The following MYH14 variants were observed in gnomAD, a reference collection of about 807,000 sequenced individuals.
MYH14 encodes myosin heavy chain 14.
MYH14 carries 123 observed loss-of-function variants against 255.5 expected under a neutral mutation model. The observed-to-expected ratio is 0.48, with a 90% CI of 0.42 to 0.56. The LOEUF is 0.56. Ranked by LOEUF, MYH14 falls within the 20% of genes least tolerant of loss-of-function variation. The pLI is 0.00. For missense variants in MYH14, 2,423 were observed against 2,802.3 expected, an observed-to-expected ratio of 0.86 and a Z score of 3.06; for synonymous variants, 1,095 against 1,161.2, an observed-to-expected ratio of 0.94 and a Z score of 1.16.
intron 10 of MYH14, among the ~76,000 whole-genome samples, chr19:50,239,012 A>C (rs974784472): frequency 6.6e-6 from 1 of 152,080 alleles, no homozygotes; most frequent in African/African-American, 2.4e-5. Flanking sequence ...CCTCCAAAAA[A>C]AAACAAAAAA....
At chr19:50,274,514 C>CA (rs1455357302) in intron 27 of MYH14, among the ~76,000 whole-genome samples, 1 of 152,164 alleles carries the variant, frequency 6.6e-6, no homozygotes, top group Non-Finnish European at 1.5e-5. Context: ...AGGCTGGTCT[C>CA]AAACTCCTGA....
rs1275783249 is a variant in MYH14, at chr19:50,224,853, C to T, written c.717+676C>T. 6.6e-6 allele frequency: 3 copies of T among 456,296 alleles called. No homozygotes were observed. In the Admixed American group the frequency reaches 7.1e-5, roughly 11 times the overall value. The allele number at this position is 456,296 out of a possible 1,614,324, so 28.3% of individuals were successfully genotyped here. A position where few individuals can be genotyped will look rare whatever the true frequency, so the allele number is the denominator to read the frequency against. Reference sequence around the variant, plus strand: ...GGTTTGGTGGCTCAGGTCTATAATCCCAGCACTTTGGAAGGCTGAAGTGGG... The same window carrying T: ...GGTTTGGTGGCTCAGGTCTATAATCTCAGCACTTTGGAAGGCTGAAGTGGG... On this transcript the variant is annotated intron_variant, in intron 6 of 42. Coordinates refer to ENST00000642316, the MANE Select transcript of MYH14 (RefSeq NM_001145809.2).
At chr19:50,260,600 C>T (rs1455562390) in intron 19 of MYH14, 46 bp from the exon 20 acceptor site, 4 of 1,397,576 alleles carry the variant, frequency 2.9e-6, no homozygotes, top group African/African-American at 1.4e-5. Flanking sequence ...ACTAGGTGAG[C>T]GTTTGCTGTA....
chr19:50,293,551 C>A lies in MYH14; in HGVS notation c.5346-13C>A. On this transcript the variant is annotated splice_polypyrimidine_tract_variant and intron_variant, in intron 38 of 42. Transcript: ENST00000642316. This position sits in a 1 kb window ranked among gnomAD's most constrained non-coding sequence, Gnocchi z 4.1. ...TCCTGTCCTTTCATCCCCACGCCTT[C>A]CTGTCTCCCTAGGGCAGCCATTCTG... 1 of 1,612,402 alleles carries A rather than the reference C, an allele frequency of 6.2e-7. No homozygotes were observed. The highest frequency in any genetic ancestry group is 1.1e-5 in the South Asian group (1 of 90,898).
At chr19:50,232,613 A>C (rs1203277380) in intron 10 of MYH14, among the ~76,000 whole-genome samples, 17 of 150,968 alleles carry the variant, frequency 1.1e-4, no homozygotes, top group African/African-American at 3.6e-4. Context: ...AAAAAAAAAA[A>C]AAACAAAAAG....
At chr19:50,242,125 G>A (rs2033917067) in intron 10 of MYH14, among the ~76,000 whole-genome samples, 1 of 152,176 alleles carries the variant, frequency 6.6e-6, no homozygotes, top group Admixed American at 6.5e-5. Flanking sequence ...CATCCAAGTG[G>A]ACTGCCTAGT....
intron 1 of MYH14, among the ~76,000 whole-genome samples, chr19:50,205,235 G>C (rs1032986812): frequency 6.6e-6 from 1 of 152,206 alleles, no homozygotes; most frequent in Non-Finnish European, 1.5e-5. Context: ...TTTGAATCCC[G>C]GGAATCCTCA....
intron 3 of MYH14, among the ~76,000 whole-genome samples, chr19:50,219,054 C>CTCTATA (rs1555754522): frequency 3.4e-4 from 48 of 140,326 alleles, no homozygotes; most frequent in African/African-American, 1.2e-3. Context: ...CTCTCTCTCT[C>CTCTATA]TATATATATA....
intron 2 of MYH14, among the ~76,000 whole-genome samples, chr19:50,214,422 G>T (rs1458159963): frequency 6.6e-6 from 1 of 152,126 alleles, no homozygotes; most frequent in East Asian, 1.9e-4. Flanking sequence ...GCCACTAATA[G>T]GCTGTTTGGC....
chr19:50,259,364 C>T (rs1230336137), intron 19 of MYH14, 99 bp downstream of exon 19: 15 of 1,450,196 alleles, frequency 1.0e-5, no homozygotes, highest in East Asian at 2.5e-5. Context: ...CACTCTTGTT[C>T]CTTCTGCGCT....
chr19:50,279,855 A>G (rs2035645722), intron 30 of MYH14, among the ~76,000 whole-genome samples, 182 bp from the exon 31 acceptor site: 1 of 152,198 alleles, frequency 6.6e-6, no homozygotes, highest in Admixed American at 6.5e-5. Context: ...GTATGCACCT[A>G]GGAGCGGGAT....
At chr19:50,226,707 A>G (rs1177511547) in intron 7 of MYH14, among the ~76,000 whole-genome samples, 196 bp from the exon 8 acceptor site, 1 of 152,078 alleles carries the variant, frequency 6.6e-6, no homozygotes, top group Non-Finnish European at 1.5e-5. Flanking sequence ...AAGAAGTCCA[A>G]GGGGCCCGGA....
rs1215986558 is a variant in MYH14 at position 50,249,776 on chromosome 19, G to A, written c.1609G>A (p.Asp537Asn). The A allele has an allele frequency of 6.8e-6, 11 of 1,614,072 alleles. No homozygotes were observed. The highest frequency in any genetic ancestry group is 2.7e-5 in the African/African-American group (2 of 74,926). The change falls in exon 14 of 43, where the codon GAC (aspartate) becomes AAC (asparagine). Residue 537 changes from aspartate (D) to asparagine (N), a missense_variant. By Grantham distance (23) the Asp-to-Asn change is conservative. Around this residue, in one of 3 missense-constraint regions of MYH14, gnomAD observed 672 missense variants for 881.8 expected, o/e 0.76. Coordinates refer to ENST00000642316, the MANE Select transcript of MYH14 (RefSeq NM_001145809.2). ...TGAGGGCATCCCCTGGACCTTCCTCGACTTTGGCCTCGACCTGCAGCCCTG... is the reference window on the plus strand; with the variant it reads ...TGAGGGCATCCCCTGGACCTTCCTCAACTTTGGCCTCGACCTGCAGCCCTG... ...QREGIPWTFL[D>N]FGLDLQPCID...
chr19:50,233,276 TCTC>T (rs1479793844), intron 10 of MYH14, among the ~76,000 whole-genome samples: 5 of 152,006 alleles, frequency 3.3e-5, no homozygotes, highest in African/African-American at 9.7e-5. Flanking sequence ...TTCAAGTAAT[TCTC>T]CTGCCTCAGC....
At chr19:50,291,686 G>A (rs1348190807) in intron 36 of MYH14, among the ~76,000 whole-genome samples, 2 of 152,040 alleles carry the variant, frequency 1.3e-5, no homozygotes, top group Non-Finnish European at 2.9e-5. Flanking sequence ...CCAATATGGT[G>A]AAACCCTGTT....
chr19:50,222,479 CAAAAAAAAA>C (rs542179852), intron 3 of MYH14, among the ~76,000 whole-genome samples: 39 of 69,862 alleles, frequency 5.6e-4, no homozygotes, highest in African/African-American at 2.2e-3. Context: ...GACTCCGTCT[CAAAAAAAAA>C]AAAAAAAAAA....
At position 50,266,991 on chromosome 19, in the gene MYH14, C is replaced by G. The variant is rs1017529078; in HGVS notation, c.2809C>G (p.Gln937Glu). The stretch of plus-strand genomic sequence containing the variant: ...GAGCGCCCGCGAAGTTGGGGAGCTC[C>G]AGGGCCGAGTGGCACAGGTGAGGGG... ...QQSAREVGEL[Q>E]GRVAQLEEER... The change falls in exon 23 of 43, where the codon CAG becomes GAG. Residue 937 changes from glutamine to glutamate, a missense_variant. Coordinates refer to ENST00000642316, the MANE Select transcript of MYH14 (RefSeq NM_001145809.2). The surrounding 1 kb of genome is among the most constrained non-coding windows in gnomAD (Gnocchi z 4.1). The G allele has an allele frequency of 3.2e-6, 5 of 1,559,770 alleles. No individual in the cohort carries two copies. In the African/African-American group the frequency reaches 6.9e-5, roughly 22 times the overall value.
At chr19:50,280,000 A>T in intron 30 of MYH14, 37 bp from the exon 31 acceptor site, 1 of 1,495,130 alleles carries the variant, frequency 6.7e-7, no homozygotes, top group Non-Finnish European at 9.2e-7. Context: ...GGTGGAAGCC[A>T]CGATTGGAGG....
chr19:50,263,514 A>G (rs1600975423), intron 22 of MYH14, 94 bp downstream of exon 22: 1 of 771,434 alleles, frequency 1.3e-6, no homozygotes, highest in Non-Finnish European at 2.0e-6. Context: ...TGTGGGCCTC[A>G]GTTTTCTGCA....
Sources: gnomAD v4.1 joint callset for allele counts (sites outside exome capture counted in the v4.1 genomes callset) on GRCh38, gnomAD v4.1.1 for gene constraint, gnomAD v4.1.1 regional missense constraint, Gnocchi (gnomAD v3.1) non-coding constraint, MANE v1.5 for transcripts, NCBI Gene and HGNC (gene_info 2026-07-23, HGNC 2026-07-21) for gene names.